The following PPM1A variants were observed in gnomAD, a reference collection of about 807,000 sequenced individuals.
PPM1A encodes the protein protein phosphatase 1A.
In PPM1A, 7 loss-of-function variants were observed where a neutral mutation model predicts 35.0. The ratio of observed to expected loss-of-function variants is 0.20; its 90% CI spans 0.11 to 0.38. The LOEUF is 0.38. Among genes scored for constraint, PPM1A ranks in the 10% least tolerant of loss-of-function variants. PPM1A has a pLI of 1.00. For missense variants in PPM1A, 239 were observed against 467.8 expected (o/e 0.51, Z 4.51); for synonymous variants, 153 against 167.3 (o/e 0.91, Z 0.66).
intron 2 of PPM1A, among the ~76,000 whole-genome samples, chr14:60,284,535 G>A (rs896073462): frequency 7.6e-4 from 115 of 151,504 alleles, no homozygotes; most frequent in Non-Finnish European, 1.5e-3. Context: ...CCAGCTACGC[G>A]GGAGGCTGAG....
At position 60,289,826 on chromosome 14, in the gene PPM1A, G is replaced by A. The variant is rs1887440035; in HGVS notation, c.973G>A (p.Glu325Lys). ...CCCAGAAATCATAAAGAAGCAGGGGGAAGGCGTCCCCGACTTAGTCCATGT... is the reference window on the plus strand; with the variant it reads ...CCCAGAAATCATAAAGAAGCAGGGGAAAGGCGTCCCCGACTTAGTCCATGT... ...RVEEIIKKQG[E>K]GVPDLVHVMR... Residue 325 changes from glutamate to lysine, a missense_variant, in exon 4 of 6, where the codon GAA becomes AAA. Glu to Lys is a moderately conservative substitution (Grantham distance 56). Coordinates refer to ENST00000395076, the MANE Select transcript of PPM1A (RefSeq NM_021003.5). This position sits in a 1 kb window ranked among gnomAD's most constrained non-coding sequence, Gnocchi z 4.1. The A allele has an allele frequency of 1.2e-6, 2 of 1,609,294 alleles. No homozygotes were observed. Among genetic ancestry groups the A allele is most frequent in the African/African-American group, 1.3e-5 (1 of 74,516 alleles).
chr14:60,294,427 C>G lies in PPM1A; in HGVS notation c.*1945C>G, dbSNP rs1001053455. 6.6e-6 allele frequency: 1 copy of G among 151,742 alleles called. No homozygotes were observed. The highest frequency in any genetic ancestry group is 2.4e-5 in the African/African-American group (1 of 41,350). 9.4% of individuals were successfully genotyped at this position (151,742 alleles called of 1,614,324 possible). On this transcript the variant is annotated 3_prime_UTR_variant, in exon 6 of 6. Coordinates refer to ENST00000395076, the MANE Select transcript of PPM1A (RefSeq NM_021003.5). ...TAATGTCTAAATCTGTGGTAGAGTG[C>G]GAAGTATGATAATGTTCTAAGTTAT...
intron 1 of PPM1A, among the ~76,000 whole-genome samples, chr14:60,272,157 T>G (rs1885208746): frequency 6.6e-6 from 1 of 152,184 alleles, no homozygotes; most frequent in Non-Finnish European, 1.5e-5. Flanking sequence ...TACTTTATAT[T>G]CCTGATTTTG....
At chr14:60,291,497 C>T (rs1887629837) in intron 5 of PPM1A, 43 bp downstream of exon 5, 5 of 1,458,630 alleles carry the variant, frequency 3.4e-6, no homozygotes, top group Non-Finnish European at 4.7e-6. Flanking sequence ...TTCCCCTCCA[C>T]TCTAAATGCA....
intron 3 of PPM1A, chr14:60,286,891 C>A: frequency 1.0e-6 from 1 of 971,884 alleles, no homozygotes; most frequent in Non-Finnish European, 1.2e-6. Context: ...CTTACTGTTA[C>A]CAAGGGTCTT....
chr14:60,268,451 T>C (rs965108590), intron 1 of PPM1A: 16 of 943,978 alleles, frequency 1.7e-5, no homozygotes, highest in Non-Finnish European at 2.0e-5. Context: ...TATAGCCTGT[T>C]TGGCTTCTAA....
At chr14:60,287,405 T>G in intron 3 of PPM1A, 1 of 983,136 alleles carries the variant, frequency 1.0e-6, no homozygotes, top group Non-Finnish European at 1.2e-6. Flanking sequence ...TTACTCAGAT[T>G]TGATGAGACT....
At position 60,289,742 on chromosome 14, in the gene PPM1A, G is replaced by T; in HGVS notation, c.953-64G>T. 9.4e-7 allele frequency: 1 copy of T among 1,064,782 alleles called. No homozygotes were observed. Among genetic ancestry groups the T allele is most frequent in the Non-Finnish European group, 1.4e-6 (1 of 708,328 alleles). 66.0% of individuals were successfully genotyped at this position (1,064,782 alleles called of 1,614,324 possible). On this transcript the variant is annotated intron_variant, in intron 3 of 5. Coordinates refer to ENST00000395076, the MANE Select transcript of PPM1A (RefSeq NM_021003.5). This position sits in a 1 kb window ranked among gnomAD's most constrained non-coding sequence, Gnocchi z 4.1. The stretch of plus-strand genomic sequence containing the variant: ...ATCTTTAAAAAGCTAGGTTATCTTT[G>T]TTTCGGTTTTCTTTTCAATTAAATT...
intron 4 of PPM1A, among the ~76,000 whole-genome samples, chr14:60,290,731 CTAAA>C (rs1162633665): frequency 1.3e-5 from 2 of 152,020 alleles, no homozygotes; most frequent in East Asian, 1.9e-4. Flanking sequence ...TTTGTAATCA[CTAAA>C]TAGTGATTGT....
In PPM1A at chr14:60,282,670, C is replaced by G; in HGVS notation, c.-20-14C>G. On this transcript the variant is annotated splice_polypyrimidine_tract_variant and intron_variant, in intron 1 of 5. Coordinates refer to ENST00000395076, the MANE Select transcript of PPM1A (RefSeq NM_021003.5). This position sits in a 1 kb window ranked among gnomAD's most constrained non-coding sequence, Gnocchi z 5.1. ...AAGACAGTTATTGACTTTCCTGTTTCTCTTCCTTTGCAGACCTAGAGGATC... is the reference window on the plus strand; with the variant it reads ...AAGACAGTTATTGACTTTCCTGTTTGTCTTCCTTTGCAGACCTAGAGGATC... 1 of 1,604,678 alleles carries G rather than the reference C, an allele frequency of 6.2e-7. No individual in the cohort carries two copies. The highest frequency in any genetic ancestry group is 1.1e-5 in the South Asian group (1 of 89,892).
At chr14:60,266,446 A>G (rs561172885) in intron 1 of PPM1A, among the ~76,000 whole-genome samples, 94 of 152,246 alleles carry the variant, frequency 6.2e-4, no homozygotes, top group African/African-American at 2.1e-3. Context: ...TCCTACCATA[A>G]GATTACAGAA....
intron 1 of PPM1A, among the ~76,000 whole-genome samples, chr14:60,255,428 C>T (rs540300386): frequency 6.6e-6 from 1 of 152,186 alleles, no homozygotes; most frequent in South Asian, 2.1e-4. Flanking sequence ...GCCTCGGCCT[C>T]CCAAAGTGCT....
Position 60,283,474 on chromosome 14 carries a change from A to G in PPM1A, c.771A>G (p.Arg257=). The G allele has an allele frequency of 6.2e-7, 1 of 1,613,966 alleles. No homozygotes were observed. Among genetic ancestry groups the G allele is most frequent in the Non-Finnish European group, 8.5e-7 (1 of 1,180,024 alleles). Residue 257 remains arginine (R), a synonymous_variant, in exon 2 of 6, where the codon AGA becomes AGG. Coordinates refer to ENST00000395076, the MANE Select transcript of PPM1A (RefSeq NM_021003.5). This position sits in a 1 kb window ranked among gnomAD's most constrained non-coding sequence, Gnocchi z 6.3. The stretch of plus-strand genomic sequence containing the variant: ...AGCTCTGTGATTTTGTAAGATCCAG[A>G]CTTGAAGTCACTGATGACCTTGAGA... ...NEELCDFVRS[R]LEVTDDLEKV...
chr14:60,260,924 A>AT (rs1883678628), intron 1 of PPM1A, among the ~76,000 whole-genome samples: 1 of 152,156 alleles, frequency 6.6e-6, no homozygotes, highest in Non-Finnish European at 1.5e-5. Flanking sequence ...CTGCATCCCA[A>AT]TTTAAACCAA....
At chr14:60,250,272 C>A in intron 1 of PPM1A, 1 of 208,110 alleles carries the variant, frequency 4.8e-6, no homozygotes. Context: ...AGGCATCGAA[C>A]AAATCCATTG....
chr14:60,287,035 A>C (rs1887093125), intron 3 of PPM1A: 4 of 930,202 alleles, frequency 4.3e-6, no homozygotes, highest in Non-Finnish European at 5.1e-6. Context: ...CATAAGAATA[A>C]TATGTATAGG....
chr14:60,286,483 A>G, intron 3 of PPM1A: 1 of 985,400 alleles, frequency 1.0e-6, no homozygotes, highest in Non-Finnish European at 1.2e-6. Context: ...TGACTTTAAT[A>G]GTGTTAAAAC....
In PPM1A at chr14:60,298,332, T is replaced by TTC. The variant is rs2139625911; in HGVS notation, c.*5851_*5852dup. The TTC allele has an allele frequency of 6.6e-6, 1 of 151,860 alleles. No individual in the cohort carries two copies. Among genetic ancestry groups the TTC allele is most frequent in the South Asian group, 2.1e-4 (1 of 4,824 alleles). 9.4% of individuals were successfully genotyped at this position (151,860 alleles called of 1,614,324 possible). A position where few individuals can be genotyped will look rare whatever the true frequency, so the allele number is the denominator to read the frequency against. ...TTCTAGTATTAGGATTCATTAAATGTTCAATTCATTTCATATTCTAAGGAA... is the reference window on the plus strand; with the variant it reads ...TTCTAGTATTAGGATTCATTAAATGTTCTCAATTCATTTCATATTCTAAGGAA... On this transcript the variant is annotated 3_prime_UTR_variant, in exon 6 of 6. Coordinates refer to ENST00000395076, the MANE Select transcript of PPM1A (RefSeq NM_021003.5).
At chr14:60,255,858 T>C (rs1883067687) in intron 1 of PPM1A, among the ~76,000 whole-genome samples, 1 of 152,214 alleles carries the variant, frequency 6.6e-6, no homozygotes, top group South Asian at 2.1e-4. Context: ...TCCTACATTT[T>C]GGCTTTGAGG....
Sources: allele counts gnomAD v4.1 joint callset (sites outside exome capture counted in the v4.1 genomes callset), GRCh38; gene constraint gnomAD v4.1.1; non-coding constraint Gnocchi (gnomAD v3.1); transcripts MANE v1.5; gene names NCBI Gene and HGNC (gene_info 2026-07-23, HGNC 2026-07-21).